Variants in CRYZL1 observed in about 807,000 individuals in gnomAD.
CRYZL1 encodes the protein ferry endosomal RAB5 effector complex subunit 4.
Under a neutral mutation model 50.6 loss-of-function variants are expected in CRYZL1, and 34 were observed. The ratio of observed to expected loss-of-function variants is 0.67; its 90% CI spans 0.51 to 0.89. CRYZL1 has a LOEUF of 0.89. CRYZL1 is among the 40% of genes least tolerant of loss of function. The pLI, the probability that CRYZL1 is intolerant of heterozygous loss-of-function variation, is 0.00. For synonymous variants in CRYZL1, 125 were observed against 134.3 expected (o/e 0.93, Z 0.48); for missense variants, 354 against 402.3 (o/e 0.88, Z 1.03).
chr21:33,595,272 A>C, intron 11 of CRYZL1: 2 of 1,008,446 alleles, frequency 2.0e-6, no homozygotes, highest in Non-Finnish European at 2.6e-6. Flanking sequence ...GATATTTATA[A>C]AACACTCCAC....
intron 12 of CRYZL1, 146 bp from the exon 13 acceptor site, chr21:33,590,067 G>C (rs1866969938): frequency 1.8e-6 from 1 of 557,226 alleles, no homozygotes; most frequent in East Asian, 3.1e-5. Flanking sequence ...ATCCAGGCTG[G>C]AGTGCAGTGG....
chr21:33,641,455 C>T, intron 1 of CRYZL1: 1 of 1,065,312 alleles, frequency 9.4e-7, no homozygotes, highest in South Asian at 1.7e-5. Flanking sequence ...TGAGATAAGA[C>T]CTACAATCAA....
intron 1 of CRYZL1, among the ~76,000 whole-genome samples, chr21:33,636,959 A>G (rs1408208852): frequency 2.0e-5 from 3 of 152,118 alleles, no homozygotes; most frequent in Non-Finnish European, 4.4e-5. Context: ...GGCGCCCGCC[A>G]CTGCGCCCGG....
intron 6 of CRYZL1, among the ~76,000 whole-genome samples, chr21:33,610,932 T>C (rs920681534): frequency 6.6e-6 from 1 of 151,604 alleles, no homozygotes; most frequent in African/African-American, 2.4e-5. Context: ...GGTTTCACCA[T>C]GTTGGCCAGG....
chr21:33,636,349 T>C lies in CRYZL1; in HGVS notation c.-6-4792A>G, dbSNP rs535640026. On this transcript the variant is annotated intron_variant, in intron 1 of 12. Transcript: ENST00000381554. ...CTGCACTCCAGCCTGGACAACAGAG[T>C]GAAACCCTGTCTCTTAAACATACAA... Among the ~76,000 whole-genome samples the C allele has an allele frequency of 6.9e-4, 105 of 152,288 alleles. 1 individual carries two copies. In the Middle Eastern group the frequency reaches 0.02, roughly 30 times the overall value.
intron 5 of CRYZL1, 50 bp from the exon 6 acceptor site, chr21:33,613,656 C>T (rs1338623196): frequency 1.6e-6 from 2 of 1,242,958 alleles, no homozygotes; most frequent in Non-Finnish European, 2.4e-6. Flanking sequence ...AAATTCATTC[C>T]TAATGAGAGG....
intron 1 of CRYZL1, chr21:33,641,227 C>A (rs1308592284): frequency 1.9e-6 from 3 of 1,550,650 alleles, no homozygotes; most frequent in East Asian, 4.9e-5. Flanking sequence ...GAGGGCCGAT[C>A]TGGCTCAAAA....
chr21:33,631,493 T>C lies in CRYZL1; in HGVS notation c.59A>G (p.Gln20Arg). 2.0e-6 allele frequency: 3 copies of C among 1,523,836 alleles called. No individual in the cohort carries two copies. The highest frequency in any genetic ancestry group is 1.3e-5 in the South Asian group (1 of 76,432). The allele number at this position is 1,523,836 out of a possible 1,614,324, so 94.4% of individuals were successfully genotyped here. A position where few individuals can be genotyped will look rare whatever the true frequency, so the allele number is the denominator to read the frequency against. ...TTAAACATTTTTTCTTACCTTTTCT[T>C]GAAATACAAATGTTATTTCTTCATC... ...STDEEITFVF[Q>R]EKEDLPVTED... Residue 20 changes from glutamine (Q) to arginine (R), a missense_variant, in exon 2 of 13, where the codon CAA becomes CGA. Physicochemically the swap from Gln to Arg is conservative, Grantham distance 43 (BLOSUM62 1). Coordinates refer to ENST00000381554, the MANE Select transcript of CRYZL1 (RefSeq NM_145858.3).
chr21:33,602,369 G>T, intron 7 of CRYZL1, 24 bp from the exon 8 acceptor site: 1 of 1,134,728 alleles, frequency 8.8e-7, no homozygotes, highest in Non-Finnish European at 1.3e-6. Flanking sequence ...AATATACAGT[G>T]GGTGTATGGT....
intron 6 of CRYZL1, among the ~76,000 whole-genome samples, chr21:33,606,833 A>C (rs1052241115): frequency 2.6e-5 from 4 of 151,968 alleles, no homozygotes; most frequent in Non-Finnish European, 5.9e-5. Context: ...AACATGGAGA[A>C]ACCCCATCTC....
intron 2 of CRYZL1, among the ~76,000 whole-genome samples, chr21:33,630,097 C>T (rs568812635): frequency 2.6e-5 from 4 of 152,130 alleles, no homozygotes; most frequent in African/African-American, 7.2e-5. Flanking sequence ...CGATCATGGC[C>T]GTCAGGGAAA....
chr21:33,625,218 C>T (rs1488421964), intron 2 of CRYZL1, among the ~76,000 whole-genome samples: 2 of 151,214 alleles, frequency 1.3e-5, no homozygotes, highest in South Asian at 2.1e-4. Context: ...TGCGGTGGCG[C>T]GATCTCGGCT....
intron 4 of CRYZL1, among the ~76,000 whole-genome samples, chr21:33,618,479 A>G (rs2086960903): frequency 6.6e-6 from 1 of 152,114 alleles, no homozygotes; most frequent in African/African-American, 2.4e-5. Flanking sequence ...TTATGCATTT[A>G]AACTTCACAA....
chr21:33,613,628 T>G, intron 5 of CRYZL1, 22 bp from the exon 6 acceptor site: 1 of 1,545,176 alleles, frequency 6.5e-7, no homozygotes, highest in Non-Finnish European at 8.9e-7. Context: ...AACAAGAAAT[T>G]AAAGGGATGT....
chr21:33,634,836 G>C (rs2087183770), intron 1 of CRYZL1, among the ~76,000 whole-genome samples: 1 of 150,570 alleles, frequency 6.6e-6, no homozygotes. Context: ...GAAGATAACT[G>C]CTTGTTTGTA....
intron 9 of CRYZL1, 34 bp downstream of exon 9, chr21:33,599,116 A>G (rs1294843352): frequency 6.3e-7 from 1 of 1,592,502 alleles, no homozygotes; most frequent in Non-Finnish European, 8.5e-7. Context: ...AACTAAAAAA[A>G]CTACACAGGC....
intron 8 of CRYZL1, 114 bp from the exon 9 acceptor site, chr21:33,599,362 G>A: frequency 1.4e-6 from 2 of 1,382,616 alleles, no homozygotes; most frequent in Non-Finnish European, 2.0e-6. Context: ...AATGAGTTAA[G>A]CAATTCAAAC....
intron 11 of CRYZL1, among the ~76,000 whole-genome samples, chr21:33,592,333 C>T (rs187585734): frequency 1.5e-3 from 222 of 151,972 alleles, no homozygotes; most frequent in Middle Eastern, 3.4e-3. Flanking sequence ...GACAGGGTCT[C>T]CCTATGTTGC....
intron 1 of CRYZL1, among the ~76,000 whole-genome samples, chr21:33,634,618 A>G (rs561955604): frequency 9.9e-4 from 151 of 151,772 alleles, no homozygotes; most frequent in Non-Finnish European, 1.6e-3. Context: ...AAAAAAAACA[A>G]CTCTGTTCCT....
Sources: allele counts gnomAD v4.1 joint callset (sites outside exome capture counted in the v4.1 genomes callset), GRCh38; gene constraint gnomAD v4.1.1; transcripts MANE v1.5; gene names NCBI Gene and HGNC (gene_info 2026-07-23, HGNC 2026-07-21).